The following GPR139 variants were observed in gnomAD, a reference collection of about 807,000 sequenced individuals.
GPR139 encodes the protein G protein-coupled receptor 139.
Under a neutral mutation model 25.8 loss-of-function variants are expected in GPR139, and 12 were observed. The observed-to-expected ratio is 0.47, with a 90% CI of 0.30 to 0.75. The LOEUF is 0.75. Among genes scored for constraint, GPR139 ranks in the 30% least tolerant of loss-of-function variants. GPR139 has a pLI of 0.07. For synonymous variants in GPR139, 184 were observed against 179.9 expected (o/e 1.02, Z -0.18); for missense variants, 380 against 450.2 (o/e 0.84, Z 1.41).
rs59809855 is a variant in GPR139 at position 20,029,484 on chromosome 16, A to AATAT, written c.*2247_*2250dup. 2.8e-5 allele frequency among the ~76,000 whole-genome samples: 4 copies of AATAT among 144,102 alleles called. No individual in the cohort carries two copies. Among genetic ancestry groups the AATAT allele is most frequent in the Middle Eastern group, 3.7e-3 (1 of 272 alleles). The allele number at this position is 144,102 out of a possible 152,430, so 94.5% of individuals were successfully genotyped here. On this transcript the variant is annotated 3_prime_UTR_variant, in exon 2 of 2. Coordinates refer to ENST00000570682, the MANE Select transcript of GPR139 (RefSeq NM_001002911.4). Reference sequence around the variant, plus strand: ...TACATGTTTAAAAAATAAATAAATAAATATATATATATATATATATTCAGT... The same window carrying AATAT: ...TACATGTTTAAAAAATAAATAAATAAATATATATATATATATATATATATTCAGT...
intron 1 of GPR139, among the ~76,000 whole-genome samples, chr16:20,068,387 T>C (rs971476554): frequency 6.6e-6 from 1 of 152,144 alleles, no homozygotes; most frequent in African/African-American, 2.4e-5. Flanking sequence ...TTTTTTAAAA[T>C]TTCCAGTTTT....
intron 1 of GPR139, among the ~76,000 whole-genome samples, chr16:20,052,857 TA>T (rs2141209433): frequency 6.6e-6 from 1 of 152,166 alleles, no homozygotes; most frequent in East Asian, 1.9e-4. Flanking sequence ...TAAGTGTTTT[TA>T]AAAATTATTA....
Position 20,032,370 on chromosome 16 carries a change from C to A in GPR139, c.427G>T (p.Ala143Ser), listed in dbSNP as rs758087867. ...PLKYHTVSYP[A>S]RTRKVIVSVY... ...CTTACAATGACTTTCCGGGTGCGGG[C>A]TGGGTATGAGACCGTGTGGTACTTG... The change falls in exon 2 of 2, where the codon GCC becomes TCC. Residue 143 changes from alanine (A) to serine (S), a missense_variant. Ala to Ser is a moderately conservative substitution (Grantham distance 99). Transcript: ENST00000570682. The A allele has an allele frequency of 6.2e-7, 1 of 1,614,154 alleles. No homozygotes were observed. The highest frequency in any genetic ancestry group is 8.5e-7 in the Non-Finnish European group (1 of 1,180,028).
In GPR139 at chr16:20,065,623, C is replaced by A. The variant is rs543306187; in HGVS notation, c.127+7867G>T. Among the ~76,000 whole-genome samples the A allele has an allele frequency of 5.9e-5, 9 of 152,262 alleles. No individual in the cohort carries two copies. In the East Asian group the frequency reaches 1.2e-3, roughly 20 times the overall value. On this transcript the variant is annotated intron_variant, in intron 1 of 1. Transcript: ENST00000570682. ...GCATTGGTCACACCTGTAATCCCAG[C>A]ACTTTGGGAAGCTGAGATGGGTGGA... is the stretch of plus-strand genomic sequence containing the variant.
At position 20,073,474 on chromosome 16, in the gene GPR139, C is replaced by T; in HGVS notation, c.127+16G>A. On this transcript the variant is annotated intron_variant, in intron 1 of 1. Coordinates refer to ENST00000570682, the MANE Select transcript of GPR139 (RefSeq NM_001002911.4). This position sits in a 1 kb window ranked among gnomAD's most constrained non-coding sequence, Gnocchi z 4.7. ...TGGGGTTCCTGGCTTCCCTCCCTCT[C>T]CCCCACGCCCCTCACCTGGTAAACC... The T allele has an allele frequency of 6.2e-7, 1 of 1,609,248 alleles. No homozygotes were observed. Among genetic ancestry groups the T allele is most frequent in the East Asian group, 2.2e-5 (1 of 44,544 alleles).
At chr16:20,072,298 T>A (rs1004632828) in intron 1 of GPR139, among the ~76,000 whole-genome samples, 1 of 152,030 alleles carries the variant, frequency 6.6e-6, no homozygotes, top group African/African-American at 2.4e-5. Flanking sequence ...ATTGAAACAA[T>A]CTCATCAGGG....
chr16:20,039,739 T>C (rs1459473573), intron 1 of GPR139, among the ~76,000 whole-genome samples: 1 of 152,170 alleles, frequency 6.6e-6, no homozygotes, highest in East Asian at 1.9e-4. Flanking sequence ...GGGGAGTTTA[T>C]ACATTTAATG....
At chr16:20,069,449 A>C (rs17680065) in intron 1 of GPR139, among the ~76,000 whole-genome samples, 39,210 of 152,174 alleles carry the variant, frequency 0.26, 5,304 homozygotes, top group Non-Finnish European at 0.3. Context: ...TCCAGCTGAC[A>C]GATCACCAGT....
intron 1 of GPR139, among the ~76,000 whole-genome samples, chr16:20,045,068 C>T (rs1350563334): frequency 1.4e-5 from 2 of 147,324 alleles, no homozygotes; most frequent in South Asian, 2.1e-4. Flanking sequence ...GGTGCAATCG[C>T]GGCTCGCTGC....
chr16:20,031,409 C>T lies in GPR139; in HGVS notation c.*326G>A. ...GGGTTCCCAGTGACTGTGGATGGTA[C>T]CAGGGCGAAATCACAGACTACTTCT... On this transcript the variant is annotated 3_prime_UTR_variant, in exon 2 of 2. Transcript: ENST00000570682. 1 of 324,744 alleles carries T rather than the reference C, an allele frequency of 3.1e-6. No homozygotes were observed. 20.1% of individuals were successfully genotyped at this position (324,744 alleles called of 1,614,324 possible).
At chr16:20,068,705 G>A (rs927394774) in intron 1 of GPR139, among the ~76,000 whole-genome samples, 3 of 152,148 alleles carry the variant, frequency 2.0e-5, no homozygotes, top group African/African-American at 4.8e-5. Context: ...TAGGGAAAAA[G>A]CATTCAGTTT....
At chr16:20,066,882 T>G (rs2057436369) in intron 1 of GPR139, among the ~76,000 whole-genome samples, 3 of 152,154 alleles carry the variant, frequency 2.0e-5, no homozygotes, top group African/African-American at 2.4e-5. Context: ...AAACTGAGGC[T>G]CAGAGAAGGT....
rs369158552 is a variant in GPR139 at position 20,032,553 on chromosome 16, A to G, written c.244T>C (p.Phe82Leu). 1.9e-6 allele frequency: 3 copies of G among 1,614,046 alleles called. No homozygotes were observed. The African/African-American group carries it at 4.0e-5, about 22-fold the overall frequency. ...ADILVLFFIVFVDFLLEDFIL... is the reference protein window; with the variant it reads ...ADILVLFFIVLVDFLLEDFIL... ...AAATCTTCCAACAGGAAGTCCACAA[A>G]CACTATGAAAAAGAGGACCAAGATG... The change falls in exon 2 of 2, where the codon TTT becomes CTT. Residue 82 changes from phenylalanine (F) to leucine (L), a missense_variant. Coordinates refer to ENST00000570682, the MANE Select transcript of GPR139 (RefSeq NM_001002911.4).
chr16:20,033,886 A>G lies in GPR139; in HGVS notation c.128-1217T>C, dbSNP rs1271109559. Among the ~76,000 whole-genome samples the G allele has an allele frequency of 3.3e-5, 5 of 151,886 alleles. No individual in the cohort carries two copies. The East Asian group carries it at 9.7e-4, about 29-fold the overall frequency. Reference sequence around the variant, plus strand: ...CAAAAACTGCAATTACTTTTGCACCAACCTAATACATAGTTTTTGCATAAA... The same window carrying G: ...CAAAAACTGCAATTACTTTTGCACCGACCTAATACATAGTTTTTGCATAAA... On this transcript the variant is annotated intron_variant, in intron 1 of 1. Coordinates refer to ENST00000570682, the MANE Select transcript of GPR139 (RefSeq NM_001002911.4).
In GPR139 at chr16:20,032,129, G is replaced by A. The variant is rs144787739; in HGVS notation, c.668C>T (p.Thr223Met). ...GAACAAGATGGCGGTGGTCTTCCCC[G>A]TGGAGTAGCCACGGAGACGAAAATT... ...KSNFRLRGYS[T>M]GKTTAILFTI... Residue 223 changes from threonine to methionine, a missense_variant, in exon 2 of 2, where the codon ACG becomes ATG. Thr to Met is a moderately conservative substitution (Grantham distance 81). Coordinates refer to ENST00000570682, the MANE Select transcript of GPR139 (RefSeq NM_001002911.4). The A allele has an allele frequency of 1.2e-5, 19 of 1,614,062 alleles. No individual in the cohort carries two copies. Among genetic ancestry groups the A allele is most frequent in the African/African-American group, 6.7e-5 (5 of 74,912 alleles).
chr16:20,052,912 A>G (rs553884083), intron 1 of GPR139, among the ~76,000 whole-genome samples: 1 of 152,136 alleles, frequency 6.6e-6, no homozygotes, highest in African/African-American at 2.4e-5. Context: ...CAGGTTTGTT[A>G]CGTAGATAAA....
At chr16:20,056,079 G>A (rs2057387658) in intron 1 of GPR139, among the ~76,000 whole-genome samples, 1 of 152,208 alleles carries the variant, frequency 6.6e-6, no homozygotes, top group Non-Finnish European at 1.5e-5. Flanking sequence ...TTTCAGCCAT[G>A]GATACTGTGA....
intron 1 of GPR139, among the ~76,000 whole-genome samples, chr16:20,037,257 G>GC (rs1819634635): frequency 6.6e-6 from 1 of 152,086 alleles, no homozygotes; most frequent in South Asian, 2.1e-4. Flanking sequence ...TTCCAGACCA[G>GC]CCTGGCCAAC....
intron 1 of GPR139, among the ~76,000 whole-genome samples, chr16:20,053,495 G>C (rs1247550305): frequency 6.6e-6 from 1 of 152,200 alleles, no homozygotes; most frequent in African/African-American, 2.4e-5. Flanking sequence ...AGCATGCTGT[G>C]TTTGCAGAAC....
Sources: gnomAD v4.1 joint callset for allele counts (sites outside exome capture counted in the v4.1 genomes callset) on GRCh38, gnomAD v4.1.1 for gene constraint, Gnocchi (gnomAD v3.1) non-coding constraint, MANE v1.5 for transcripts, NCBI Gene and HGNC (gene_info 2026-07-23, HGNC 2026-07-21) for gene names.